The following KCNH1 variants were observed in gnomAD, a reference collection of about 807,000 sequenced individuals.
The protein encoded by KCNH1 is potassium voltage-gated channel subfamily H member 1.
A neutral mutation model predicts 69.2 loss-of-function variants in KCNH1; 27 were observed. The ratio of observed to expected loss-of-function variants is 0.39; its 90% CI spans 0.29 to 0.54. KCNH1 has a LOEUF of 0.54. Among genes scored for constraint, KCNH1 ranks in the 20% least tolerant of loss-of-function variants. KCNH1 has a pLI of 0.68. For synonymous variants in KCNH1, 456 were observed against 487.7 expected, an observed-to-expected ratio of 0.93 and a Z score of 0.86; for missense variants, 798 against 1,261.6, an observed-to-expected ratio of 0.63 and a Z score of 5.57.
At chr1:211,078,917 C>CAAAAAAAAAAAAAA (rs769981174) in intron 5 of KCNH1, among the ~76,000 whole-genome samples, 3 of 83,042 alleles carry the variant, frequency 3.6e-5, no homozygotes, top group Admixed American at 1.5e-4. Flanking sequence ...GACTCCGTCT[C>CAAAAAAAAAAAAAA]AAAAAAAAAA....
In KCNH1 at chr1:210,837,487, C is replaced by T. The variant is rs561924055; in HGVS notation, c.1463-33321G>A. 4.6e-5 allele frequency among the ~76,000 whole-genome samples: 7 copies of T among 152,184 alleles called. No individual in the cohort carries two copies. In the South Asian group the frequency reaches 1.0e-3, roughly 23 times the overall value. The stretch of plus-strand genomic sequence containing the variant: ...TCAGCAAATGAGTTCAATAAAATAG[C>T]GACCTGAAGATCCATGACAAAGAGA... On this transcript the variant is annotated intron_variant, in intron 7 of 10. Coordinates refer to ENST00000271751, the MANE Select transcript of KCNH1 (RefSeq NM_172362.3).
At chr1:210,759,442 A>T (rs1282093000) in intron 10 of KCNH1, among the ~76,000 whole-genome samples, 1 of 152,150 alleles carries the variant, frequency 6.6e-6, no homozygotes, top group Non-Finnish European at 1.5e-5. Flanking sequence ...CCAAGATTTG[A>T]AAAACAATAT....
At chr1:210,983,557 G>C (rs765674709) in intron 6 of KCNH1, among the ~76,000 whole-genome samples, 2 of 152,124 alleles carry the variant, frequency 1.3e-5, no homozygotes, top group Non-Finnish European at 2.9e-5. Flanking sequence ...TTTTTTGTCA[G>C]GTTTGTCAAA....
At chr1:211,105,266 T>C (rs979705837) in intron 2 of KCNH1, among the ~76,000 whole-genome samples, 4 of 152,244 alleles carry the variant, frequency 2.6e-5, no homozygotes, top group Non-Finnish European at 5.9e-5. Flanking sequence ...TTTCTCCTTG[T>C]GAGTTAATTT....
At chr1:210,733,575 T>C (rs1682797795) in intron 10 of KCNH1, among the ~76,000 whole-genome samples, 1 of 152,230 alleles carries the variant, frequency 6.6e-6, no homozygotes, top group Admixed American at 6.5e-5. Flanking sequence ...ATTAAAGGCA[T>C]TGCCGTCTGA....
chr1:211,002,004 G>A (rs1008160907), intron 6 of KCNH1, among the ~76,000 whole-genome samples: 1 of 149,614 alleles, frequency 6.7e-6, no homozygotes, highest in Non-Finnish European at 1.5e-5. Flanking sequence ...ACACACTGGG[G>A]CCTGTTGTGG....
chr1:211,121,409 GAA>G (rs1194175339), intron 1 of KCNH1, among the ~76,000 whole-genome samples: 1 of 151,966 alleles, frequency 6.6e-6, no homozygotes, highest in African/African-American at 2.4e-5. Flanking sequence ...CAACAAACCT[GAA>G]AAAAACAAGC....
intron 10 of KCNH1, among the ~76,000 whole-genome samples, chr1:210,745,691 C>T (rs963201686): frequency 1.3e-5 from 2 of 152,158 alleles, no homozygotes; most frequent in African/African-American, 4.8e-5. Flanking sequence ...AAACCCGCTC[C>T]CACCCGCCCC....
intron 7 of KCNH1, among the ~76,000 whole-genome samples, chr1:210,844,485 T>C (rs543552474): frequency 9.1e-4 from 139 of 152,286 alleles, no homozygotes; most frequent in African/African-American, 3.3e-3. Context: ...CTACTGGGTA[T>C]ATAATGAAAT....
chr1:210,700,768 G>A (rs1574191290), intron 10 of KCNH1, among the ~76,000 whole-genome samples: 1 of 152,150 alleles, frequency 6.6e-6, no homozygotes, highest in Non-Finnish European at 1.5e-5. Context: ...TTAAAAGTAG[G>A]TGGTAGGCCA....
At chr1:210,714,930 T>G (rs1402868430) in intron 10 of KCNH1, among the ~76,000 whole-genome samples, 1 of 152,158 alleles carries the variant, frequency 6.6e-6, no homozygotes, top group Non-Finnish European at 1.5e-5. Context: ...TGTTTAGAGA[T>G]GTACACTATC....
At chr1:210,996,450 T>C (rs1558559798) in intron 6 of KCNH1, among the ~76,000 whole-genome samples, 1 of 152,176 alleles carries the variant, frequency 6.6e-6, no homozygotes, top group Non-Finnish European at 1.5e-5. Context: ...GCGCCTGCCA[T>C]TGCCCAGGCT....
At chr1:210,891,217 AG>A (rs1686742110) in intron 7 of KCNH1, among the ~76,000 whole-genome samples, 2 of 152,246 alleles carry the variant, frequency 1.3e-5, no homozygotes, top group Admixed American at 6.5e-5. Context: ...GCCATAAAAA[AG>A]GATGAGTTCA....
At chr1:210,964,837 A>G (rs948824772) in intron 6 of KCNH1, among the ~76,000 whole-genome samples, 1 of 152,202 alleles carries the variant, frequency 6.6e-6, no homozygotes, top group East Asian at 1.9e-4. Context: ...ACGAACATCA[A>G]TGCAAAAATC....
intron 10 of KCNH1, among the ~76,000 whole-genome samples, chr1:210,772,883 A>T (rs900010394): frequency 2.0e-5 from 3 of 152,208 alleles, no homozygotes; most frequent in Admixed American, 2.0e-4. Context: ...TCAAAAATGT[A>T]GCCCCTGCGT....
chr1:211,010,078 G>T (rs898074014), intron 6 of KCNH1, among the ~76,000 whole-genome samples: 3 of 152,200 alleles, frequency 2.0e-5, no homozygotes, highest in Non-Finnish European at 4.4e-5. Flanking sequence ...GTGAGCTGAA[G>T]TCAATCTGCA....
intron 6 of KCNH1, among the ~76,000 whole-genome samples, chr1:210,996,743 C>A (rs148749308): frequency 2.0e-5 from 3 of 152,242 alleles, no homozygotes; most frequent in Non-Finnish European, 2.9e-5. Context: ...CCAGTAGGGG[C>A]AGACTGACAC....
At chr1:211,109,937 T>C (rs1189652307) in intron 1 of KCNH1, among the ~76,000 whole-genome samples, 1 of 149,708 alleles carries the variant, frequency 6.7e-6, no homozygotes, top group Non-Finnish European at 1.5e-5. Context: ...TAAATTAAAA[T>C]GAATAGCAAT....
chr1:211,092,802 C>T (rs1162793480), intron 3 of KCNH1, among the ~76,000 whole-genome samples: 1 of 149,934 alleles, frequency 6.7e-6, no homozygotes, highest in African/African-American at 2.4e-5. Context: ...TCTGTTAAGG[C>T]AAAAACACAC....
Sources: gnomAD v4.1 joint callset for allele counts (sites outside exome capture counted in the v4.1 genomes callset) on GRCh38, gnomAD v4.1.1 for gene constraint, MANE v1.5 for transcripts, NCBI Gene and HGNC (gene_info 2026-07-23, HGNC 2026-07-21) for gene names.